The following CAMK2A variants were observed in gnomAD, a reference collection of about 807,000 sequenced individuals.
CAMK2A encodes the protein calcium/calmodulin dependent protein kinase II alpha, also known as calcium/calmodulin-dependent protein kinase type II subunit alpha.
CAMK2A carries 7 observed loss-of-function variants against 79.2 expected under a neutral mutation model. The observed-to-expected ratio is 0.09, with a 90% CI of 0.05 to 0.17. The LOEUF is 0.17. Among genes scored for constraint, CAMK2A ranks in the 10% least tolerant of loss-of-function variants. The pLI, the probability that CAMK2A is intolerant of heterozygous loss-of-function variation, is 1.00. For missense variants in CAMK2A, 214 were observed against 646.4 expected (o/e 0.33, Z 7.25); for synonymous variants, 242 against 251.7 (o/e 0.96, Z 0.36).
chr5:150,222,271 C>T lies in CAMK2A; in HGVS notation c.*439G>A. Reference sequence around the variant, plus strand: ...GGGAAGGGAGTGTCATCTGCCCTTCCCCGGGGACACTGGAAGAGGAGAGGT... The same window carrying T: ...GGGAAGGGAGTGTCATCTGCCCTTCTCCGGGGACACTGGAAGAGGAGAGGT... On this transcript the variant is annotated 3_prime_UTR_variant, in exon 19 of 19. Transcript: ENST00000671881. 1 of 566,326 alleles carries T rather than the reference C, an allele frequency of 1.8e-6. No homozygotes were observed. Among genetic ancestry groups the T allele is most frequent in the South Asian group, 2.0e-5 (1 of 48,926 alleles). 35.1% of individuals were successfully genotyped at this position (566,326 alleles called of 1,614,324 possible).
In CAMK2A at chr5:150,285,543, C is replaced by CCT. The variant is rs1757389491; in HGVS notation, c.62+4019_62+4020dup. On this transcript the variant is annotated intron_variant, in intron 1 of 18. Coordinates refer to ENST00000671881, the MANE Select transcript of CAMK2A (RefSeq NM_015981.4). ...GGACTTGAGCACCCAGGCCCCAGGA[C>CCT]CTCAGTACAGGGAGTTGCCTCTGGG... is the stretch of plus-strand genomic sequence containing the variant. Among the ~76,000 whole-genome samples the CCT allele has an allele frequency of 2.6e-5, 4 of 152,150 alleles. No homozygotes were observed. The South Asian group carries it at 8.3e-4, about 32-fold the overall frequency.
intron 17 of CAMK2A, among the ~76,000 whole-genome samples, chr5:150,225,046 GA>G (rs1754528147): frequency 7.3e-6 from 1 of 137,728 alleles, no homozygotes; most frequent in African/African-American, 3.2e-5. Context: ...GGTAGGGAGA[GA>G]GAGAGAGAGA....
At position 150,287,195 on chromosome 5, in the gene CAMK2A, C is replaced by T. The variant is rs571847239; in HGVS notation, c.62+2369G>A. Among the ~76,000 whole-genome samples, 30 of 152,336 alleles carry T rather than the reference C, an allele frequency of 2.0e-4. 1 individual carries two copies. The highest frequency in any genetic ancestry group is 7.0e-4 in the African/African-American group (29 of 41,570). On this transcript the variant is annotated intron_variant, in intron 1 of 18. Coordinates refer to ENST00000671881, the MANE Select transcript of CAMK2A (RefSeq NM_015981.4). ...ACATCAGGGGTGCGGAATCAGTCCA[C>T]TTTATCCCCTTGTCTCTAACACAAG...
At chr5:150,263,194 C>G (rs935450593) in intron 3 of CAMK2A, among the ~76,000 whole-genome samples, 5 of 152,188 alleles carry the variant, frequency 3.3e-5, no homozygotes, top group African/African-American at 1.2e-4. Flanking sequence ...AAGCAGCAAA[C>G]TCAGGATTTG....
chr5:150,241,896 G>T (rs879247879), intron 13 of CAMK2A, among the ~76,000 whole-genome samples: 2 of 152,170 alleles, frequency 1.3e-5, no homozygotes, highest in Non-Finnish European at 1.5e-5. Flanking sequence ...CACAGAATGG[G>T]GAAGGGGCCA....
At chr5:150,273,221 T>C in intron 1 of CAMK2A, 62 bp from the exon 2 acceptor site, 1 of 1,293,422 alleles carries the variant, frequency 7.7e-7, no homozygotes, top group Non-Finnish European at 1.1e-6. Flanking sequence ...CCCTAGGAGA[T>C]GTTGGAGTTC....
chr5:150,241,548 C>T (rs1755341443), intron 13 of CAMK2A, among the ~76,000 whole-genome samples: 2 of 139,260 alleles, frequency 1.4e-5, no homozygotes, highest in Non-Finnish European at 3.2e-5. Context: ...TTCCCCTCCT[C>T]TTCCCTCTCC....
At chr5:150,275,003 C>A (rs976385388) in intron 1 of CAMK2A, among the ~76,000 whole-genome samples, 8 of 152,266 alleles carry the variant, frequency 5.3e-5, no homozygotes, top group Non-Finnish European at 1.2e-4. Flanking sequence ...CAGATGCCTG[C>A]TCTGCACACA....
At chr5:150,287,045 C>T (rs1198812579) in intron 1 of CAMK2A, among the ~76,000 whole-genome samples, 1 of 152,212 alleles carries the variant, frequency 6.6e-6, no homozygotes, top group East Asian at 1.9e-4. Flanking sequence ...GGGACAGCGC[C>T]TGTGTCCCTA....
chr5:150,247,341 T>C (rs1200139236), intron 12 of CAMK2A, among the ~76,000 whole-genome samples: 4 of 152,128 alleles, frequency 2.6e-5, no homozygotes, highest in Admixed American at 1.3e-4. Flanking sequence ...ACCCCCATCA[T>C]CCCCTCTGCT....
At chr5:150,247,452 C>T (rs1195627632) in intron 12 of CAMK2A, among the ~76,000 whole-genome samples, 1 of 152,236 alleles carries the variant, frequency 6.6e-6, no homozygotes, top group East Asian at 1.9e-4. Flanking sequence ...TGGCTCCACC[C>T]CATCTAGAAC....
chr5:150,221,579 C>T lies in CAMK2A; in HGVS notation c.*1131G>A, dbSNP rs1754311470. ...GACAGCCTCCCTCCTCCTCTCTGCC[C>T]TGACTTGCTGTTCCTGAGTCAGTGC... On this transcript the variant is annotated 3_prime_UTR_variant, in exon 19 of 19. Coordinates refer to ENST00000671881, the MANE Select transcript of CAMK2A (RefSeq NM_015981.4). The T allele has an allele frequency of 2.5e-6, 1 of 398,690 alleles. No individual in the cohort carries two copies. Among genetic ancestry groups the T allele is most frequent in the Non-Finnish European group, 4.4e-6 (1 of 226,058 alleles). The allele number at this position is 398,690 out of a possible 1,614,324, so 24.7% of individuals were successfully genotyped here. A position where few individuals can be genotyped will look rare whatever the true frequency, so the allele number is the denominator to read the frequency against.
rs1756063365 is a variant in CAMK2A, at chr5:150,256,507, G to A, written c.411+66C>T. 4 of 1,061,676 alleles carry A rather than the reference G, an allele frequency of 3.8e-6. No homozygotes were observed. Among genetic ancestry groups the A allele is most frequent in the Non-Finnish European group, 5.8e-6 (4 of 684,442 alleles). 65.8% of individuals were successfully genotyped at this position (1,061,676 alleles called of 1,614,324 possible). A position where few individuals can be genotyped will look rare whatever the true frequency, so the allele number is the denominator to read the frequency against. On this transcript the variant is annotated intron_variant, in intron 6 of 18. Transcript: ENST00000671881. The surrounding 1 kb of genome is among the most constrained non-coding windows in gnomAD (Gnocchi z 4.6). ...GATTCTGATAATGTCCAGCTCTGCA[G>A]GATTAGGGACGTGCAGAGGAGAGAG...
chr5:150,280,974 T>C (rs925471805), intron 1 of CAMK2A, among the ~76,000 whole-genome samples: 1 of 152,196 alleles, frequency 6.6e-6, no homozygotes, highest in African/African-American at 2.4e-5. Flanking sequence ...GTCTGTGCAT[T>C]GTTCTGGGCA....
chr5:150,249,440 G>T (rs1020370800), intron 11 of CAMK2A, among the ~76,000 whole-genome samples: 3 of 152,302 alleles, frequency 2.0e-5, no homozygotes, highest in Non-Finnish European at 4.4e-5. Context: ...ACCCCCAAAA[G>T]CTCTCCCCAG....
At chr5:150,230,414 T>C (rs945942720) in intron 16 of CAMK2A, among the ~76,000 whole-genome samples, 1 of 145,606 alleles carries the variant, frequency 6.9e-6, no homozygotes, top group Non-Finnish European at 1.5e-5. Flanking sequence ...ACATTGGAAA[T>C]CAGGAACAGG....
At chr5:150,261,334 C>T (rs1343595921) in intron 3 of CAMK2A, among the ~76,000 whole-genome samples, 1 of 152,120 alleles carries the variant, frequency 6.6e-6, no homozygotes, top group Non-Finnish European at 1.5e-5. Flanking sequence ...TGTTTCAGGG[C>T]CGTTTTCACA....
intron 12 of CAMK2A, 30 bp from the exon 13 acceptor site, chr5:150,245,231 A>G: frequency 6.2e-7 from 1 of 1,610,796 alleles, no homozygotes; most frequent in Non-Finnish European, 8.5e-7. Context: ...GAGGGTTAAC[A>G]ACGCCAGGCA....
intron 11 of CAMK2A, among the ~76,000 whole-genome samples, chr5:150,249,292 G>A (rs1415378675): frequency 1.3e-5 from 2 of 152,262 alleles, no homozygotes; most frequent in Non-Finnish European, 2.9e-5. Context: ...CTGCAAGAGT[G>A]TGAAGCTCTG....
Sources: allele counts gnomAD v4.1 joint callset (sites outside exome capture counted in the v4.1 genomes callset), GRCh38; gene constraint gnomAD v4.1.1; non-coding constraint Gnocchi (gnomAD v3.1); transcripts MANE v1.5; gene names NCBI Gene and HGNC (gene_info 2026-07-23, HGNC 2026-07-21).